The following PACRG variants were observed in gnomAD, a reference collection of about 807,000 sequenced individuals.
PACRG encodes parkin coregulated, also known as parkin coregulated gene protein.
PACRG carries 29 observed loss-of-function variants against 29.7 expected under a neutral mutation model. That is an observed-to-expected ratio of 0.98 (90% CI 0.73 to 1.33). PACRG has a LOEUF of 1.33. Ranked by LOEUF, PACRG falls within the 40% of genes most tolerant of loss-of-function variation. The pLI is 0.00. For synonymous variants in PACRG, 116 were observed against 118.7 expected, an observed-to-expected ratio of 0.98 and a Z score of 0.15; for missense variants, 279 against 316.2, an observed-to-expected ratio of 0.88 and a Z score of 0.89.
chr6:163,287,743 A>G (rs11752087), intron 4 of PACRG, among the ~76,000 whole-genome samples: 22,628 of 152,230 alleles, frequency 0.15, 2,018 homozygotes, highest in Non-Finnish European at 0.2. Context: ...CTCATTTAAC[A>G]GAGAAAAATA....
chr6:162,764,461 T>A (rs899004589), intron 1 of PACRG, among the ~76,000 whole-genome samples: 1 of 152,220 alleles, frequency 6.6e-6, no homozygotes. Context: ...TTTATTAGAA[T>A]AATATTTGAG....
chr6:162,737,443 A>G (rs1364747605), intron 1 of PACRG, among the ~76,000 whole-genome samples: 2 of 152,066 alleles, frequency 1.3e-5, no homozygotes, highest in East Asian at 1.9e-4. Flanking sequence ...TCAGAAAACT[A>G]TTTTCTAGAT....
intron 2 of PACRG, among the ~76,000 whole-genome samples, chr6:162,941,134 C>T (rs894708313): frequency 6.6e-6 from 1 of 152,038 alleles, no homozygotes; most frequent in African/African-American, 2.4e-5. Flanking sequence ...GGCTTCTAGC[C>T]TTTGGGGTTA....
intron 1 of PACRG, among the ~76,000 whole-genome samples, chr6:162,770,975 C>A (rs1010598930): frequency 3.9e-5 from 6 of 151,962 alleles, no homozygotes; most frequent in Non-Finnish European, 7.4e-5. Flanking sequence ...TTCTAGGGGA[C>A]AATCCCTACC....
chr6:163,256,682 G>A (rs563190007), intron 4 of PACRG, among the ~76,000 whole-genome samples: 1 of 152,324 alleles, frequency 6.6e-6, no homozygotes, highest in South Asian at 2.1e-4. Context: ...GTGAAGGCAA[G>A]AGTGGTAGGA....
At chr6:163,049,716 G>C (rs1057504489) in intron 2 of PACRG, among the ~76,000 whole-genome samples, 1 of 152,012 alleles carries the variant, frequency 6.6e-6, no homozygotes, top group Non-Finnish European at 1.5e-5. Flanking sequence ...CTCATAGTAA[G>C]AGAAATAAAA....
At chr6:163,283,068 G>A (rs1178276443) in intron 4 of PACRG, among the ~76,000 whole-genome samples, 1 of 152,208 alleles carries the variant, frequency 6.6e-6, no homozygotes, top group Non-Finnish European at 1.5e-5. Flanking sequence ...AAATCACTTT[G>A]AGCATTTATG....
intron 2 of PACRG, among the ~76,000 whole-genome samples, chr6:163,014,178 A>G (rs1805870464): frequency 1.3e-5 from 2 of 152,192 alleles, no homozygotes; most frequent in Non-Finnish European, 2.9e-5. Context: ...GCTGCAAAGG[A>G]CATGATTTCA....
At chr6:162,914,029 T>A (rs1399245141) in intron 2 of PACRG, among the ~76,000 whole-genome samples, 3 of 152,226 alleles carry the variant, frequency 2.0e-5, no homozygotes, top group Non-Finnish European at 2.9e-5. Flanking sequence ...GCTTTTCCAT[T>A]TTCTTAAGGC....
chr6:162,850,476 C>A (rs188724666), intron 2 of PACRG, among the ~76,000 whole-genome samples: 61 of 152,292 alleles, frequency 4.0e-4, no homozygotes, highest in Admixed American at 1.2e-3. Flanking sequence ...AGTGTTGGAA[C>A]TTTCAGCCCT....
chr6:163,079,527 T>G (rs1325060796), intron 3 of PACRG, among the ~76,000 whole-genome samples: 2 of 152,154 alleles, frequency 1.3e-5, no homozygotes, highest in African/African-American at 2.4e-5. Context: ...ATTTATTATC[T>G]CCTTTATGAG....
intron 1 of PACRG, among the ~76,000 whole-genome samples, chr6:162,807,572 C>T (rs1239667063): frequency 6.6e-6 from 1 of 152,072 alleles, no homozygotes; most frequent in Non-Finnish European, 1.5e-5. Flanking sequence ...AGTTAGAACA[C>T]AAACATTTAT....
chr6:162,929,194 CA>C (rs1477835301), intron 2 of PACRG, among the ~76,000 whole-genome samples: 1 of 152,000 alleles, frequency 6.6e-6, no homozygotes, highest in Non-Finnish European at 1.5e-5. Context: ...AACCTTCATA[CA>C]GTTTTTCTTA....
intron 2 of PACRG, among the ~76,000 whole-genome samples, chr6:162,971,013 G>T (rs1801485552): frequency 6.6e-6 from 1 of 152,168 alleles, no homozygotes; most frequent in Non-Finnish European, 1.5e-5. Context: ...AAAACGGATA[G>T]GTTAGATCCA....
At chr6:163,098,561 C>A (rs1814809326) in intron 4 of PACRG, among the ~76,000 whole-genome samples, 1 of 152,106 alleles carries the variant, frequency 6.6e-6, no homozygotes, top group Non-Finnish European at 1.5e-5. Context: ...TGGCTTTTGG[C>A]TGGACCTGTT....
intron 4 of PACRG, among the ~76,000 whole-genome samples, chr6:163,093,993 CT>C (rs1814345898): frequency 6.6e-6 from 1 of 152,166 alleles, no homozygotes; most frequent in East Asian, 1.9e-4. Context: ...TGTTGATCAT[CT>C]TTTAAAACAA....
chr6:162,787,574 G>GTA (rs1784572936), intron 1 of PACRG, among the ~76,000 whole-genome samples: 2 of 60,410 alleles, frequency 3.3e-5, no homozygotes, highest in Non-Finnish European at 6.3e-5. Context: ...GTGTGTGTGT[G>GTA]TGTGTGTGTA....
At chr6:163,199,773 G>A (rs1780624990) in intron 4 of PACRG, among the ~76,000 whole-genome samples, 1 of 152,192 alleles carries the variant, frequency 6.6e-6, no homozygotes, top group African/African-American at 2.4e-5. Context: ...TAGCCCCAGA[G>A]GCAACCACAA....
chr6:163,095,641 T>C (rs924276090), intron 4 of PACRG, among the ~76,000 whole-genome samples: 2 of 149,682 alleles, frequency 1.3e-5, no homozygotes, highest in Non-Finnish European at 2.9e-5. Context: ...CCTTGGCTTG[T>C]GGATGACGCA....
Sources: gnomAD v4.1 joint callset for allele counts (sites outside exome capture counted in the v4.1 genomes callset) on GRCh38, gnomAD v4.1.1 for gene constraint, MANE v1.5 for transcripts, NCBI Gene and HGNC (gene_info 2026-07-23, HGNC 2026-07-21) for gene names.